UVRAG: variants seen among roughly 807,000 people sequenced by gnomAD.
The protein encoded by UVRAG is UV radiation resistance associated, also known as UV radiation resistance-associated gene protein.
A neutral mutation model predicts 78.0 loss-of-function variants in UVRAG; 19 were observed. The observed-to-expected ratio is 0.24, with a 90% CI of 0.17 to 0.36. The LOEUF is 0.36. Ranked by LOEUF, UVRAG falls within the 10% of genes least tolerant of loss-of-function variation. UVRAG has a pLI of 1.00. For synonymous variants in UVRAG, 323 were observed against 324.6 expected (o/e 1.00, Z 0.05); for missense variants, 740 against 853.8 (o/e 0.87, Z 1.66).
intron 12 of UVRAG, among the ~76,000 whole-genome samples, chr11:76,037,539 CAAAAA>C (rs61354759): frequency 1.2e-3 from 58 of 48,520 alleles, no homozygotes; most frequent in African/African-American, 2.7e-3. Flanking sequence ...TTTGTCTTTA[CAAAAA>C]AAAAAAAAAA....
chr11:76,125,166 T>A (rs929087593), intron 14 of UVRAG, among the ~76,000 whole-genome samples: 2 of 152,248 alleles, frequency 1.3e-5, no homozygotes, highest in African/African-American at 4.8e-5. Flanking sequence ...CAAATAACAT[T>A]GTCTTTGAAG....
At chr11:75,964,330 T>A (rs528915458) in intron 7 of UVRAG, among the ~76,000 whole-genome samples, 29 of 152,352 alleles carry the variant, frequency 1.9e-4, no homozygotes, top group African/African-American at 7.0e-4. Flanking sequence ...AATTATTTCT[T>A]AAATGTTAAG....
Position 76,112,368 on chromosome 11 carries a change from A to G in UVRAG, c.1306-3556A>G, listed in dbSNP as rs1197810346. ...AACTATCATTCAAGTATAAGAATGG[A>G]ATAGTTATATTTTCAAATATTCAGG... On this transcript the variant is annotated intron_variant, in intron 13 of 14. Transcript: ENST00000356136. Among the ~76,000 whole-genome samples the G allele has an allele frequency of 2.0e-5, 3 of 152,214 alleles. No homozygotes were observed. In the East Asian group the frequency reaches 5.8e-4, roughly 29 times the overall value.
At position 75,905,885 on chromosome 11, in the gene UVRAG, C is replaced by CT. The variant is rs879808805; in HGVS notation, c.508-6057dup. On this transcript the variant is annotated intron_variant, in intron 5 of 14. Coordinates refer to ENST00000356136, the MANE Select transcript of UVRAG (RefSeq NM_003369.4). ...ATTACCTTTTTGAGGAACTGCTAAA[C>CT]TTTTTTTTTTTTACCGTGGCTGACC... Among the ~76,000 whole-genome samples, 281 of 145,980 alleles carry CT rather than the reference C, an allele frequency of 1.9e-3. 1 individual carries two copies. Among genetic ancestry groups the CT allele is most frequent in the Middle Eastern group, 3.5e-3 (1 of 288 alleles).
intron 13 of UVRAG, among the ~76,000 whole-genome samples, chr11:76,106,440 A>G (rs1044876401): frequency 8.6e-5 from 13 of 151,954 alleles, no homozygotes; most frequent in Non-Finnish European, 1.5e-4. Context: ...ATCTCAGCTC[A>G]CTGTAACCTC....
At chr11:76,030,911 C>T (rs1950425156) in intron 12 of UVRAG, among the ~76,000 whole-genome samples, 1 of 152,102 alleles carries the variant, frequency 6.6e-6, no homozygotes. Context: ...CTCAATGATG[C>T]AGGTAGTGTA....
chr11:75,881,799 A>C lies in UVRAG; in HGVS notation c.432+1759A>C, dbSNP rs549711450. Among the ~76,000 whole-genome samples, 65 of 152,354 alleles carry C rather than the reference A, an allele frequency of 4.3e-4. No homozygotes were observed. The South Asian group carries it at 0.013, about 31-fold the overall frequency. On this transcript the variant is annotated intron_variant, in intron 4 of 14. Transcript: ENST00000356136. ...AATGAAATGAAACCTATTTGCTATC[A>C]TCAGATATAGATTATTATAATTAAT...
chr11:75,959,709 A>T (rs1466772242), intron 6 of UVRAG, among the ~76,000 whole-genome samples: 3 of 152,172 alleles, frequency 2.0e-5, no homozygotes, highest in African/African-American at 4.8e-5. Context: ...AACTTGGCTG[A>T]CTGTTTCATG....
At chr11:75,976,554 T>C (rs1348386139) in intron 7 of UVRAG, among the ~76,000 whole-genome samples, 1 of 152,210 alleles carries the variant, frequency 6.6e-6, no homozygotes, top group African/African-American at 2.4e-5. Context: ...AGCCTGTTAT[T>C]GCTCTATTCA....
At chr11:76,134,912 C>T (rs1206445428) in intron 14 of UVRAG, among the ~76,000 whole-genome samples, 3 of 152,160 alleles carry the variant, frequency 2.0e-5, no homozygotes, top group Admixed American at 6.5e-5. Flanking sequence ...AGAACCGGGC[C>T]GCACAGCAGG....
intron 13 of UVRAG, among the ~76,000 whole-genome samples, chr11:76,098,498 A>C (rs1248281110): frequency 1.3e-5 from 2 of 152,174 alleles, no homozygotes; most frequent in Non-Finnish European, 2.9e-5. Flanking sequence ...CATATATTTT[A>C]AAATGGCTTT....
chr11:76,021,775 T>A lies in UVRAG; in HGVS notation c.1226+4795T>A, dbSNP rs1354230591. 5.3e-5 allele frequency among the ~76,000 whole-genome samples: 8 copies of A among 152,352 alleles called. No individual in the cohort carries two copies. The South Asian group carries it at 6.2e-4, about 12-fold the overall frequency. ...GTTGTTTATGAGAGCATTCTTTGGC[T>A]GGGCCTAGTGGCTCATGCCTGTAAT... On this transcript the variant is annotated intron_variant, in intron 12 of 14. Transcript: ENST00000356136.
chr11:76,076,034 A>G (rs1412263908), intron 13 of UVRAG, among the ~76,000 whole-genome samples: 2 of 152,140 alleles, frequency 1.3e-5, no homozygotes, highest in African/African-American at 2.4e-5. Context: ...CTTGGCTGTT[A>G]TAAGAATGCT....
intron 3 of UVRAG, among the ~76,000 whole-genome samples, chr11:75,867,770 A>G (rs80049342): frequency 0.066 from 10,121 of 152,312 alleles, 470 homozygotes; most frequent in African/African-American, 0.13. Flanking sequence ...GGTTGTGAAC[A>G]CTTGATTTTT....
At chr11:76,047,258 CA>C (rs1950776796) in intron 12 of UVRAG, among the ~76,000 whole-genome samples, 1 of 152,154 alleles carries the variant, frequency 6.6e-6, no homozygotes, top group Non-Finnish European at 1.5e-5. Flanking sequence ...AGGGTGGGAG[CA>C]ATCTGAAGAG....
intron 1 of UVRAG, among the ~76,000 whole-genome samples, chr11:75,838,029 C>T (rs565603824): frequency 9.2e-5 from 14 of 152,010 alleles, no homozygotes; most frequent in Non-Finnish European, 1.3e-4. Flanking sequence ...ATACCACCAC[C>T]GCTGCAATCC....
intron 12 of UVRAG, among the ~76,000 whole-genome samples, chr11:76,041,195 T>A (rs1950642351): frequency 6.8e-6 from 1 of 146,880 alleles, no homozygotes; most frequent in Non-Finnish European, 1.5e-5. Context: ...GTGAATATTA[T>A]GGTCTGATGG....
At chr11:75,826,257 G>A (rs1329123125) in intron 1 of UVRAG, among the ~76,000 whole-genome samples, 1 of 152,288 alleles carries the variant, frequency 6.6e-6, no homozygotes, top group East Asian at 1.9e-4. Flanking sequence ...CTGGGTTCAA[G>A]TGATTCTCCT....
At chr11:76,096,456 A>G (rs1951786861) in intron 13 of UVRAG, among the ~76,000 whole-genome samples, 1 of 152,220 alleles carries the variant, frequency 6.6e-6, no homozygotes, top group Non-Finnish European at 1.5e-5. Flanking sequence ...ACTTAATACA[A>G]ATAGCTAGAA....
Sources: allele counts gnomAD v4.1 joint callset (sites outside exome capture counted in the v4.1 genomes callset), GRCh38; gene constraint gnomAD v4.1.1; transcripts MANE v1.5; gene names NCBI Gene and HGNC (gene_info 2026-07-23, HGNC 2026-07-21).